NXN: variants seen among roughly 807,000 people sequenced by gnomAD.
The protein encoded by NXN is nucleoredoxin.
In NXN, 16 loss-of-function variants were observed where a neutral mutation model predicts 48.6. That is an observed-to-expected ratio of 0.33 (90% CI 0.22 to 0.50). The LOEUF (loss-of-function observed/expected upper bound fraction) is 0.50. NXN is among the 20% of genes least tolerant of loss of function. The pLI is 0.98. For synonymous variants in NXN, 281 were observed against 269.6 expected (o/e 1.04, Z -0.41); for missense variants, 492 against 605.5 (o/e 0.81, Z 1.97).
chr17:976,069 C>G lies in NXN; in HGVS notation c.360+3250G>C, dbSNP rs971736804. ...TATATAATAATGTGTGTTTTGGAAG[C>G]TGAAATAATATGTGTTTTGGAAGCC... On this transcript the variant is annotated intron_variant, in intron 1 of 7. Transcript: ENST00000336868. 3.4e-4 allele frequency among the ~76,000 whole-genome samples: 51 copies of G among 149,828 alleles called. 3 individuals carry two copies. The highest frequency in any genetic ancestry group is 1.5e-5 in the Non-Finnish European group (1 of 68,026).
At chr17:968,239 C>G (rs2069330252) in intron 1 of NXN, among the ~76,000 whole-genome samples, 1 of 152,220 alleles carries the variant, frequency 6.6e-6, no homozygotes, top group Non-Finnish European at 1.5e-5. Context: ...GAACTGCTTT[C>G]TCTACCTGCA....
chr17:810,144 T>TG, intron 5 of NXN, among the ~76,000 whole-genome samples: 1 of 124,006 alleles, frequency 8.1e-6, no homozygotes, highest in African/African-American at 3.2e-5. Context: ...ACGTTACGAG[T>TG]CTGTGACTGG....
intron 1 of NXN, among the ~76,000 whole-genome samples, chr17:835,513 C>T (rs1913764609): frequency 2.0e-5 from 3 of 152,190 alleles, no homozygotes. Context: ...ACTGCTCCGC[C>T]TGGCAGTGGG....
chr17:846,004 C>A (rs902531330), intron 1 of NXN, among the ~76,000 whole-genome samples: 1 of 151,998 alleles, frequency 6.6e-6, no homozygotes, highest in African/African-American at 2.4e-5. Context: ...ATCACTTGAG[C>A]CTGGGAGGCG....
chr17:837,306 G>A (rs998492098), intron 1 of NXN, among the ~76,000 whole-genome samples: 1 of 152,142 alleles, frequency 6.6e-6, no homozygotes, highest in Non-Finnish European at 1.5e-5. Context: ...TGCTCCAGCA[G>A]GACCTTGTCC....
intron 1 of NXN, among the ~76,000 whole-genome samples, chr17:926,176 T>C (rs1181164482): frequency 6.6e-6 from 1 of 152,138 alleles, no homozygotes; most frequent in Non-Finnish European, 1.5e-5. Context: ...CGTCTCTGTC[T>C]CTATTTTTCT....
At chr17:931,953 G>C (rs2068859389) in intron 1 of NXN, among the ~76,000 whole-genome samples, 1 of 152,102 alleles carries the variant, frequency 6.6e-6, no homozygotes, top group Non-Finnish European at 1.5e-5. Context: ...AGACCAGCCT[G>C]GCCAAGACGG....
At chr17:934,019 C>T (rs2068879849) in intron 1 of NXN, among the ~76,000 whole-genome samples, 1 of 152,274 alleles carries the variant, frequency 6.6e-6, no homozygotes, top group South Asian at 2.1e-4. Flanking sequence ...ACGATGTTCT[C>T]AAACTTCAAT....
In NXN at chr17:958,229, C is replaced by T. The variant is rs976213891; in HGVS notation, c.360+21090G>A. 1.3e-5 allele frequency among the ~76,000 whole-genome samples: 2 copies of T among 152,214 alleles called. No individual in the cohort carries two copies. Among genetic ancestry groups the T allele is most frequent in the Admixed American group, 1.3e-4 (2 of 15,270 alleles). ...AGAAGGCTTTTCTTGCAGGAGGTGG[C>T]TGCCAGCTTGTCCCTTCCCCGGTGC... On this transcript the variant is annotated intron_variant, in intron 1 of 7. Transcript: ENST00000336868. This position sits in a 1 kb window ranked among gnomAD's most constrained non-coding sequence, Gnocchi z 6.9.
intron 1 of NXN, among the ~76,000 whole-genome samples, chr17:837,686 C>T (rs113465315): frequency 6.6e-6 from 1 of 152,292 alleles, no homozygotes; most frequent in Admixed American, 6.5e-5. Flanking sequence ...TCGCTTTGCC[C>T]GATGGTGCCT....
At chr17:805,683 C>T (rs889486402) in intron 5 of NXN, among the ~76,000 whole-genome samples, 1 of 152,028 alleles carries the variant, frequency 6.6e-6, no homozygotes, top group East Asian at 1.9e-4. Flanking sequence ...ACTAAAAATA[C>T]AAAAACTAGC....
At chr17:939,245 C>T (rs2068942249) in intron 1 of NXN, among the ~76,000 whole-genome samples, 1 of 151,914 alleles carries the variant, frequency 6.6e-6, no homozygotes, top group Non-Finnish European at 1.5e-5. Context: ...AACTGGCCTA[C>T]ATTTCCTATC....
At chr17:811,214 G>A (rs1439883594) in intron 5 of NXN, among the ~76,000 whole-genome samples, 4 of 152,168 alleles carry the variant, frequency 2.6e-5, no homozygotes, top group South Asian at 4.1e-4. Context: ...CCGGCCGCCC[G>A]GCACCTCTAG....
intron 1 of NXN, among the ~76,000 whole-genome samples, chr17:916,423 G>A (rs550615505): frequency 4.6e-5 from 7 of 152,166 alleles, no homozygotes; most frequent in Non-Finnish European, 8.8e-5. Flanking sequence ...TAAAATTAAC[G>A]TATGACATTT....
chr17:972,470 C>T (rs1222994183), intron 1 of NXN, among the ~76,000 whole-genome samples: 1 of 151,636 alleles, frequency 6.6e-6, no homozygotes, highest in Admixed American at 6.6e-5. Flanking sequence ...GAGACTCCAT[C>T]TGAAAAAAAA....
At chr17:912,402 T>C (rs1189538214) in intron 1 of NXN, among the ~76,000 whole-genome samples, 4 of 152,108 alleles carry the variant, frequency 2.6e-5, no homozygotes, top group Non-Finnish European at 5.9e-5. Context: ...CATTTTTAAC[T>C]GTGTTAAAAC....
rs1254858741 is a variant in NXN at position 836,067 on chromosome 17, A to C, written c.361-9989T>G. Reference sequence around the variant, plus strand: ...ACACCGGTGGGATTCGTCAGCCCCCACAGAGGCCGCGGGGAAAAAACACCG... The same window carrying C: ...ACACCGGTGGGATTCGTCAGCCCCCCCAGAGGCCGCGGGGAAAAAACACCG... On this transcript the variant is annotated intron_variant, in intron 1 of 7. Coordinates refer to ENST00000336868, the MANE Select transcript of NXN (RefSeq NM_022463.5). Among the ~76,000 whole-genome samples the C allele has an allele frequency of 5.8e-5, 4 of 68,448 alleles. 2 individuals are homozygous for C. The highest frequency in any genetic ancestry group is 1.2e-4 in the Non-Finnish European group (4 of 33,238). The allele number at this position is 68,448 out of a possible 152,430, so 44.9% of individuals were successfully genotyped here. A position where few individuals can be genotyped will look rare whatever the true frequency, so the allele number is the denominator to read the frequency against.
intron 1 of NXN, among the ~76,000 whole-genome samples, chr17:970,309 A>G (rs1338729759): frequency 6.6e-6 from 1 of 152,024 alleles, no homozygotes; most frequent in Non-Finnish European, 1.5e-5. Flanking sequence ...TAGTCCTAGG[A>G]TCTCGGCAGG....
chr17:946,225 TCCCGGGGATCCCTGCTCACTGCAAGCTCC>T (rs1567513792), intron 1 of NXN, among the ~76,000 whole-genome samples: 1 of 40,412 alleles, frequency 2.5e-5, no homozygotes, highest in Non-Finnish European at 1.5e-4. Context: ...AAGCTCCGCC[TCCCGGGGATCCCTGCTCACTGCAAGCTCC>T]GCCTCCCGGG....
Sources: gnomAD v4.1 joint callset for allele counts (sites outside exome capture counted in the v4.1 genomes callset) on GRCh38, gnomAD v4.1.1 for gene constraint, Gnocchi (gnomAD v3.1) non-coding constraint, MANE v1.5 for transcripts, NCBI Gene and HGNC (gene_info 2026-07-23, HGNC 2026-07-21) for gene names.